The following FIGNL2 variants were observed in gnomAD, a reference collection of about 807,000 sequenced individuals.
FIGNL2 encodes fidgetin-like protein 2.
For missense variants in FIGNL2, 1,060 were observed against 950.2 expected, an observed-to-expected ratio of 1.12 and a Z score of -1.52; for synonymous variants, 565 against 484.0, an observed-to-expected ratio of 1.17 and a Z score of -2.20.
At chr12:51,826,364 C>T (rs886573972) in intron 1 of FIGNL2, among the ~76,000 whole-genome samples, 7 of 151,994 alleles carry the variant, frequency 4.6e-5, no homozygotes, top group Admixed American at 3.3e-4. Context: ...CACAGTGGCT[C>T]ACGCCTGTAA....
rs964646769 is a variant in FIGNL2 at position 51,821,341 on chromosome 12, C to A, written c.1073G>T (p.Gly358Val). 6.7e-7 allele frequency: 1 copy of A among 1,500,446 alleles called. No homozygotes were observed. The highest frequency in any genetic ancestry group is 8.9e-7 in the Non-Finnish European group (1 of 1,129,712). The allele number at this position is 1,500,446 out of a possible 1,614,324, so 92.9% of individuals were successfully genotyped here. A position where few individuals can be genotyped will look rare whatever the true frequency, so the allele number is the denominator to read the frequency against. The stretch of plus-strand genomic sequence containing the variant: ...AGTCTCCCCCGACGGCACGGCGAAC[C>A]CCCCACGAGGAGCCGGGGCCCGCTC... ...FPERAPAPRGGFAVPSGETPK... is the reference protein window; with the variant it reads ...FPERAPAPRGVFAVPSGETPK... The change falls in exon 2 of 2, where the codon GGG (glycine) becomes GTG (valine). Residue 358 changes from glycine (G) to valine (V), a missense_variant. Physicochemically the swap from Gly to Val is moderately radical, Grantham distance 109. Transcript: ENST00000618634.
intron 1 of FIGNL2, among the ~76,000 whole-genome samples, chr12:51,840,969 C>T (rs2138999959): frequency 6.6e-6 from 1 of 152,356 alleles, no homozygotes; most frequent in East Asian, 1.9e-4. Context: ...AATATGGCCC[C>T]TTCCCGTGCA....
chr12:51,824,833 C>G (rs1939302082), intron 1 of FIGNL2, among the ~76,000 whole-genome samples: 8 of 152,182 alleles, frequency 5.3e-5, no homozygotes, highest in Admixed American at 5.2e-4. Flanking sequence ...CACCTGAGGT[C>G]AGAAATTCAA....
At chr12:51,840,751 A>G (rs1939647403) in intron 1 of FIGNL2, among the ~76,000 whole-genome samples, 1 of 152,114 alleles carries the variant, frequency 6.6e-6, no homozygotes, top group African/African-American at 2.4e-5. Context: ...AAACAAAAAC[A>G]TTGGAATACA....
chr12:51,820,206 A>G lies in FIGNL2; in HGVS notation c.*246T>C. On this transcript the variant is annotated 3_prime_UTR_variant, in exon 2 of 2. Transcript: ENST00000618634. ...CGGATCTGCCCGGTCTGCCGGGCGG[A>G]GATGGCGAGCTTCCAGTCCACAATA... 3.9e-6 allele frequency: 2 copies of G among 516,284 alleles called. No homozygotes were observed. Among genetic ancestry groups the G allele is most frequent in the Non-Finnish European group, 6.7e-6 (2 of 296,514 alleles). 32.0% of individuals were successfully genotyped at this position (516,284 alleles called of 1,614,324 possible).
chr12:51,827,516 G>GCA (rs1939369976), intron 1 of FIGNL2, among the ~76,000 whole-genome samples: 2 of 152,060 alleles, frequency 1.3e-5, no homozygotes, highest in Non-Finnish European at 2.9e-5. Flanking sequence ...CTGAGCCACT[G>GCA]CACCCAGCCA....
rs770930359 is a variant in FIGNL2, at chr12:51,825,619, C to CTTTT, written c.-11-3199_-11-3196dup. ...GAGAGGGGAACTTGTCCATGACACT[C>CTTTT]TTTTTTTTTTTTTTTGAGACGGAGT... is the stretch of plus-strand genomic sequence containing the variant. On this transcript the variant is annotated intron_variant, in intron 1 of 1. Coordinates refer to ENST00000618634, the MANE Select transcript of FIGNL2 (RefSeq NM_001384995.1). Among the ~76,000 whole-genome samples, 60 of 134,870 alleles carry CTTTT rather than the reference C, an allele frequency of 4.4e-4. 1 individual carries two copies. In the East Asian group the frequency reaches 0.011, roughly 24 times the overall value. The allele number at this position is 134,870 out of a possible 152,430, so 88.5% of individuals were successfully genotyped here. A position where few individuals can be genotyped will look rare whatever the true frequency, so the allele number is the denominator to read the frequency against.
chr12:51,833,032 G>A (rs1021787179), intron 1 of FIGNL2, among the ~76,000 whole-genome samples: 5 of 152,082 alleles, frequency 3.3e-5, no homozygotes, highest in Admixed American at 2.6e-4. Context: ...GACGACAGCT[G>A]CAGCCTCTCT....
intron 1 of FIGNL2, among the ~76,000 whole-genome samples, chr12:51,843,904 G>A (rs977078660): frequency 3.2e-4 from 49 of 151,724 alleles, no homozygotes; most frequent in Non-Finnish European, 1.3e-4. Context: ...TGAGACCACC[G>A]CCTCTACAAT....
At chr12:51,837,517 C>G (rs1351300725) in intron 1 of FIGNL2, among the ~76,000 whole-genome samples, 2 of 152,188 alleles carry the variant, frequency 1.3e-5, no homozygotes, top group East Asian at 3.8e-4. Context: ...AATAACAGCT[C>G]CTTTTTTCTC....
At chr12:51,845,465 C>CA in intron 1 of FIGNL2, 1 of 985,134 alleles carries the variant, frequency 1.0e-6, no homozygotes. Context: ...TCACCGCCCC[C>CA]CCCCCACAGT....
At chr12:51,839,593 G>T (rs1311021025) in intron 1 of FIGNL2, among the ~76,000 whole-genome samples, 1 of 152,200 alleles carries the variant, frequency 6.6e-6, no homozygotes, top group Non-Finnish European at 1.5e-5. Flanking sequence ...GGCACCAGAG[G>T]TGGATGAGTC....
At chr12:51,838,160 A>C (rs1939608557) in intron 1 of FIGNL2, 1 of 152,434 alleles carries the variant, frequency 6.6e-6, no homozygotes, top group East Asian at 1.9e-4. Context: ...GCTATGTTGG[A>C]GCAGGTCAGA....
chr12:51,830,671 T>G (rs1380468192), intron 1 of FIGNL2, among the ~76,000 whole-genome samples: 1 of 151,762 alleles, frequency 6.6e-6, no homozygotes, highest in Admixed American at 6.6e-5. Flanking sequence ...TTCTGTATTT[T>G]TAGTAGAGAT....
chr12:51,828,909 G>T (rs138583025), intron 1 of FIGNL2, among the ~76,000 whole-genome samples: 16 of 152,338 alleles, frequency 1.1e-4, no homozygotes, highest in African/African-American at 2.2e-4. Flanking sequence ...ACAGGGTGAG[G>T]TAGGAAGAAA....
In FIGNL2 at chr12:51,821,006, C is replaced by T. The variant is rs1262629193; in HGVS notation, c.1408G>A (p.Ala470Thr). 3 of 1,183,140 alleles carry T rather than the reference C, an allele frequency of 2.5e-6. No individual in the cohort carries two copies. The highest frequency in any genetic ancestry group is 3.2e-5 in the African/African-American group (2 of 62,070). The allele number at this position is 1,183,140 out of a possible 1,614,324, so 73.3% of individuals were successfully genotyped here. A position where few individuals can be genotyped will look rare whatever the true frequency, so the allele number is the denominator to read the frequency against. Reference sequence around the variant, plus strand: ...GCGAAGGCGGCCTGGAGGAGGCGCGCGCCCTCGGCGGCGCCGGGCGCAGCC... The same window carrying T: ...GCGAAGGCGGCCTGGAGGAGGCGCGTGCCCTCGGCGGCGCCGGGCGCAGCC... Reference protein sequence around the residue: ...TLAAPGAAEGARLLQAAFAAA... With the variant: ...TLAAPGAAEGTRLLQAAFAAA... Residue 470 changes from alanine (A) to threonine (T), a missense_variant, in exon 2 of 2, where the codon GCG becomes ACG. Coordinates refer to ENST00000618634, the MANE Select transcript of FIGNL2 (RefSeq NM_001384995.1).
intron 1 of FIGNL2, chr12:51,847,312 G>C (rs1939772174): frequency 1.0e-6 from 1 of 985,448 alleles, no homozygotes; most frequent in Non-Finnish European, 1.2e-6. Flanking sequence ...GCTCCACAGG[G>C]GAGGCCCCAC....
In FIGNL2 at chr12:51,848,644, G is replaced by C. The variant is rs1313187849; in HGVS notation, c.-116C>G. Reference sequence around the variant, plus strand: ...GGCCGGGGGCGACAGGCCTGGGCTGGGGGGCAGTGGCGCTCACCATCCTGG... The same window carrying C: ...GGCCGGGGGCGACAGGCCTGGGCTGCGGGGCAGTGGCGCTCACCATCCTGG... On this transcript the variant is annotated 5_prime_UTR_variant, in exon 1 of 2. Coordinates refer to ENST00000618634, the MANE Select transcript of FIGNL2 (RefSeq NM_001384995.1). 5.0e-6 allele frequency: 3 copies of C among 596,256 alleles called. No individual in the cohort carries two copies. The highest frequency in any genetic ancestry group is 6.3e-6 in the Non-Finnish European group (3 of 474,792). The allele number at this position is 596,256 out of a possible 1,614,324, so 36.9% of individuals were successfully genotyped here.
chr12:51,820,593 G>A lies in FIGNL2; in HGVS notation c.1821C>T (p.Ala607=). 6.6e-7 allele frequency: 1 copy of A among 1,525,690 alleles called. No individual in the cohort carries two copies. The highest frequency in any genetic ancestry group is 8.7e-7 in the Non-Finnish European group (1 of 1,143,088). 94.5% of individuals were successfully genotyped at this position (1,525,690 alleles called of 1,614,324 possible). The change falls in exon 2 of 2, where the codon GCC becomes GCT. Residue 607 remains alanine (A), a synonymous_variant. Transcript: ENST00000618634. ...GCTGCAGCCCCGGGAGGCCCGCCCC[G>A]GCCGCCGCCTGCTGGCACAGCTGCC... ...ELGQLCQQAA[A]GAGLPGLQRP...
Sources: allele counts gnomAD v4.1 joint callset (sites outside exome capture counted in the v4.1 genomes callset), GRCh38; gene constraint gnomAD v4.1.1; transcripts MANE v1.5; gene names NCBI Gene and HGNC (gene_info 2026-07-23, HGNC 2026-07-21).